The following LYPD6 variants were observed in gnomAD, a reference collection of about 807,000 sequenced individuals.
LYPD6 encodes the protein ly6/PLAUR domain-containing protein 6.
In LYPD6, 15 loss-of-function variants were observed where a neutral mutation model predicts 22.7. The observed-to-expected ratio is 0.66, with a 90% CI of 0.44 to 1.02. The LOEUF is 1.02. Ranked by LOEUF, LYPD6 falls within the 50% of genes least tolerant of loss-of-function variation. LYPD6 has a pLI of 0.00. For synonymous variants in LYPD6, 72 were observed against 77.5 expected (o/e 0.93, Z 0.37); for missense variants, 189 against 208.4 (o/e 0.91, Z 0.57).
intron 3 of LYPD6, among the ~76,000 whole-genome samples, chr2:149,462,462 A>G (rs1196653): frequency 0.6 from 90,804 of 151,598 alleles, 28,464 homozygotes; most frequent in East Asian, 0.85. Context: ...TTGAAAGACA[A>G]CATAGTAAAA....
At chr2:149,440,565 A>G (rs949828209) in intron 2 of LYPD6, 2 of 152,152 alleles carry the variant, frequency 1.3e-5, no homozygotes, top group African/African-American at 4.8e-5. Context: ...TCACCAGCAG[A>G]TCAGGGTCCA....
At chr2:149,330,472 T>C (rs1174654396), upstream of LYPD6, 1 of 148,850 alleles carries the variant, frequency 6.7e-6, no homozygotes, top group African/African-American at 2.4e-5. Context: ...CGCTGATTGG[T>C]CCCGCGGCCC....
At chr2:149,423,112 C>T (rs754719222) in intron 1 of LYPD6, among the ~76,000 whole-genome samples, 111 of 152,236 alleles carry the variant, frequency 7.3e-4, no homozygotes, top group Non-Finnish European at 1.3e-3. Flanking sequence ...TAACCATCTG[C>T]CCCCACAGGG....
chr2:149,465,682 G>A lies in LYPD6; in HGVS notation c.218-2963G>A, dbSNP rs150467975. ...CTGTTATTAAAAACAATATTGGTGG[G>A]TAAATGAAAGTTTGCAATTTAGCTT... On this transcript the variant is annotated intron_variant, in intron 3 of 4. Transcript: ENST00000334166. Among the ~76,000 whole-genome samples, 581 of 152,250 alleles carry A rather than the reference G, an allele frequency of 3.8e-3. 5 individuals are homozygous for A. Among genetic ancestry groups the A allele is most frequent in the African/African-American group, 0.013 (553 of 41,552 alleles).
chr2:149,356,623 T>C (rs2105063967), intron 1 of LYPD6, among the ~76,000 whole-genome samples: 1 of 152,352 alleles, frequency 6.6e-6, no homozygotes, highest in South Asian at 2.1e-4. Flanking sequence ...AGATCTCTTC[T>C]GATCCTTTCC....
chr2:149,464,811 G>A (rs1284995329), intron 3 of LYPD6, among the ~76,000 whole-genome samples: 3 of 152,158 alleles, frequency 2.0e-5, no homozygotes, highest in African/African-American at 7.2e-5. Flanking sequence ...CAGAAGACTT[G>A]GAGACTCCCA....
rs1573783847 is a variant in LYPD6, at chr2:149,410,244, A to C, written c.-71-27394A>C. ...TTTATTTTTCTCTTTTTTGAGTATA[A>C]TGCATACGTTTGTAAGTGCATCTGT... On this transcript the variant is annotated intron_variant, in intron 1 of 4. Coordinates refer to ENST00000334166, the MANE Select transcript of LYPD6 (RefSeq NM_194317.5). Among the ~76,000 whole-genome samples the C allele has an allele frequency of 2.6e-5, 4 of 152,246 alleles. No individual in the cohort carries two copies. The South Asian group carries it at 8.3e-4, about 32-fold the overall frequency.
At chr2:149,334,830 C>A (rs1277502837) in intron 1 of LYPD6, among the ~76,000 whole-genome samples, 1 of 151,314 alleles carries the variant, frequency 6.6e-6, no homozygotes, top group Non-Finnish European at 1.5e-5. Flanking sequence ...TCATGCACCT[C>A]ATAACAATGT....
chr2:149,363,246 G>A (rs557280555), intron 1 of LYPD6, among the ~76,000 whole-genome samples: 1 of 152,274 alleles, frequency 6.6e-6, no homozygotes, highest in South Asian at 2.1e-4. Flanking sequence ...CGATGCCCAT[G>A]ATGATCAAAG....
At chr2:149,405,556 T>G (rs555939877) in intron 1 of LYPD6, among the ~76,000 whole-genome samples, 1 of 152,246 alleles carries the variant, frequency 6.6e-6, no homozygotes, top group Admixed American at 6.5e-5. Flanking sequence ...TGGTAGTTTG[T>G]ATTTCTGTGG....
intron 1 of LYPD6, among the ~76,000 whole-genome samples, chr2:149,333,627 G>T (rs1443086652): frequency 6.6e-6 from 1 of 152,132 alleles, no homozygotes; most frequent in East Asian, 1.9e-4. Flanking sequence ...TGCCTATTAG[G>T]TACCAGCTCT....
At chr2:149,474,434 T>A (rs573397551), downstream of LYPD6, among the ~76,000 whole-genome samples, 28 of 152,272 alleles carry the variant, frequency 1.8e-4, no homozygotes, top group African/African-American at 6.7e-4. Context: ...CCTCAAACTC[T>A]GAGGCTCAAG....
At chr2:149,443,918 C>T (rs1683622883) in intron 2 of LYPD6, among the ~76,000 whole-genome samples, 1 of 144,998 alleles carries the variant, frequency 6.9e-6, no homozygotes, top group Admixed American at 6.9e-5. Context: ...GTCTAAAAAA[C>T]AATGTGCATA....
chr2:149,406,265 C>G (rs1682704814), intron 1 of LYPD6, among the ~76,000 whole-genome samples: 2 of 152,002 alleles, frequency 1.3e-5, no homozygotes, highest in Admixed American at 6.6e-5. Context: ...TGGTGCAGAG[C>G]TGAGTTCAAT....
At chr2:149,376,751 T>C (rs1559129837) in intron 1 of LYPD6, among the ~76,000 whole-genome samples, 1 of 152,224 alleles carries the variant, frequency 6.6e-6, no homozygotes, top group African/African-American at 2.4e-5. Context: ...CAGGGACGCA[T>C]GTAAAGCTTA....
chr2:149,456,066 C>CT (rs1192168288), intron 3 of LYPD6, among the ~76,000 whole-genome samples: 1 of 152,134 alleles, frequency 6.6e-6, no homozygotes, highest in East Asian at 1.9e-4. Context: ...GGAGAAAACA[C>CT]ATCTTTTTAA....
chr2:149,375,175 A>G (rs959275996), intron 1 of LYPD6, among the ~76,000 whole-genome samples: 4 of 152,200 alleles, frequency 2.6e-5, no homozygotes, highest in African/African-American at 9.6e-5. Context: ...ATTTATTCTG[A>G]AGGTAGACAA....
chr2:149,418,818 T>C (rs1683019688), intron 1 of LYPD6, among the ~76,000 whole-genome samples: 1 of 152,168 alleles, frequency 6.6e-6, no homozygotes, highest in Non-Finnish European at 1.5e-5. Flanking sequence ...ATGACCACTT[T>C]CCCCTACAGT....
At chr2:149,484,062 A>G in the LYPD6 span, among the ~76,000 whole-genome samples, 1 of 152,250 alleles carries the variant, frequency 6.6e-6, no homozygotes, top group Non-Finnish European at 1.5e-5. Context: ...CTCTGGGCAC[A>G]CAGTGAGCTT....
Sources: allele counts gnomAD v4.1 joint callset (sites outside exome capture counted in the v4.1 genomes callset), GRCh38; gene constraint gnomAD v4.1.1; transcripts MANE v1.5; gene names NCBI Gene and HGNC (gene_info 2026-07-23, HGNC 2026-07-21).